Variants in PLEKHA1 observed in about 807,000 individuals in gnomAD.
The protein encoded by PLEKHA1 is pleckstrin homology domain containing A1, also known as pleckstrin homology domain-containing family A member 1.
Under a neutral mutation model 52.0 loss-of-function variants are expected in PLEKHA1, and 34 were observed. That is an observed-to-expected ratio of 0.65 (90% CI 0.50 to 0.87). The LOEUF (loss-of-function observed/expected upper bound fraction) is 0.87. Among genes scored for constraint, PLEKHA1 ranks in the 40% least tolerant of loss-of-function variants. The probability of loss-of-function intolerance (pLI) is 0.00; values close to 1 mark genes in which losing one functional copy is unlikely to be tolerated. For missense variants in PLEKHA1, 497 were observed against 504.2 expected (o/e 0.99, Z 0.14); for synonymous variants, 163 against 170.7 (o/e 0.95, Z 0.35).
downstream of PLEKHA1, chr10:122,434,662 C>G (rs547262684): frequency 4.6e-5 from 7 of 150,668 alleles, no homozygotes; most frequent in East Asian, 1.4e-3. Flanking sequence ...TGGTGTGCTG[C>G]ACCCATTAAC....
chr10:122,374,803 C>T lies in PLEKHA1; in HGVS notation c.-24C>T, dbSNP rs933094163. On this transcript the variant is annotated 5_prime_UTR_variant, in exon 1 of 12. Coordinates refer to ENST00000368990, the MANE Select transcript of PLEKHA1 (RefSeq NM_001001974.4). The stretch of plus-strand genomic sequence containing the variant: ...CGGCGCGGGTGCTCCGGGCCGAGGC[C>T]GCGGTAAAGTTTAGCTTGAAGAACG... The T allele has an allele frequency of 2.6e-5, 4 of 151,914 alleles. No homozygotes were observed. The highest frequency in any genetic ancestry group is 3.9e-4 in the East Asian group (2 of 5,122). 9.4% of individuals were successfully genotyped at this position (151,914 alleles called of 1,614,324 possible).
intron 4 of PLEKHA1, among the ~76,000 whole-genome samples, chr10:122,403,967 C>T (rs557117598): frequency 6.6e-6 from 1 of 152,322 alleles, no homozygotes; most frequent in Admixed American, 6.5e-5. Context: ...GCTGGGATTA[C>T]AGGCGTGAGC....
intron 1 of PLEKHA1, among the ~76,000 whole-genome samples, chr10:122,382,154 A>G (rs1439907206): frequency 6.6e-6 from 1 of 152,244 alleles, no homozygotes; most frequent in African/African-American, 2.4e-5. Flanking sequence ...TTCACACTAT[A>G]TAAATCACTT....
chr10:122,407,715 G>A (rs1028745358), intron 5 of PLEKHA1, among the ~76,000 whole-genome samples: 4 of 152,194 alleles, frequency 2.6e-5, no homozygotes, highest in Non-Finnish European at 2.9e-5. Context: ...AAAATGTTGG[G>A]AAGGAGTTCT....
chr10:122,411,395 T>C (rs553205411), intron 5 of PLEKHA1, among the ~76,000 whole-genome samples: 2 of 152,346 alleles, frequency 1.3e-5, no homozygotes, highest in African/African-American at 4.8e-5. Flanking sequence ...TCCTTTCATA[T>C]ACACATGGAC....
chr10:122,380,071 T>G (rs1184675142), intron 1 of PLEKHA1, among the ~76,000 whole-genome samples: 2 of 152,200 alleles, frequency 1.3e-5, no homozygotes, highest in African/African-American at 4.8e-5. Flanking sequence ...AATATAAATT[T>G]AAGTGGAAAT....
Position 122,399,301 on chromosome 10 carries a change from A to G in PLEKHA1, c.199-1042A>G, listed in dbSNP as rs1186974366. Among the ~76,000 whole-genome samples, 3 of 152,266 alleles carry G rather than the reference A, an allele frequency of 2.0e-5. No individual in the cohort carries two copies. In the East Asian group the frequency reaches 5.8e-4, roughly 29 times the overall value. On this transcript the variant is annotated intron_variant, in intron 3 of 11. Transcript: ENST00000368990. ...GTGCAAAACGGATGCTACAATTATA[A>G]GTTCTATCACTGGACAACAGCATGG...
intron 1 of PLEKHA1, among the ~76,000 whole-genome samples, chr10:122,391,531 A>G (rs749407956): frequency 9.9e-5 from 15 of 152,150 alleles, no homozygotes; most frequent in Admixed American, 6.5e-5. Flanking sequence ...TTTCCCCCAC[A>G]TTGAATGGTA....
intron 4 of PLEKHA1, among the ~76,000 whole-genome samples, chr10:122,403,580 T>C (rs185764957): frequency 6.1e-4 from 92 of 149,786 alleles, no homozygotes; most frequent in African/African-American, 2.2e-3. Flanking sequence ...AGGGTTTTTA[T>C]GGCAACTTAG....
Position 122,430,653 on chromosome 10 carries a change from T to A in PLEKHA1, c.*715T>A, listed in dbSNP as rs547775683. On this transcript the variant is annotated 3_prime_UTR_variant, in exon 12 of 12. Coordinates refer to ENST00000368990, the MANE Select transcript of PLEKHA1 (RefSeq NM_001001974.4). ...CAGTCACTGCTTTATTCCGCAAAAA[T>A]TATTTGGTAGGAAATTTTTGGGAGA... 1 of 152,360 alleles carries A rather than the reference T, an allele frequency of 6.6e-6. No individual in the cohort carries two copies. The highest frequency in any genetic ancestry group is 2.4e-5 in the African/African-American group (1 of 41,580). 9.4% of individuals were successfully genotyped at this position (152,360 alleles called of 1,614,324 possible). A position where few individuals can be genotyped will look rare whatever the true frequency, so the allele number is the denominator to read the frequency against.
chr10:122,394,130 A>T (rs1017081688), intron 2 of PLEKHA1, among the ~76,000 whole-genome samples: 4 of 134,768 alleles, frequency 3.0e-5, no homozygotes, highest in African/African-American at 1.1e-4. Flanking sequence ...GCTGGAATGC[A>T]GCGGTATGAT....
chr10:122,376,988 A>T (rs1047894699), intron 1 of PLEKHA1, among the ~76,000 whole-genome samples: 8 of 152,356 alleles, frequency 5.3e-5, no homozygotes, highest in Admixed American at 5.2e-4. Flanking sequence ...AGATTTAAAC[A>T]AAGTGGCTTT....
At chr10:122,378,585 A>T (rs1335739689) in intron 1 of PLEKHA1, among the ~76,000 whole-genome samples, 1 of 151,828 alleles carries the variant, frequency 6.6e-6, no homozygotes, top group African/African-American at 2.4e-5. Flanking sequence ...AAAATAGAAA[A>T]ATCAGCCGGG....
intron 7 of PLEKHA1, 92 bp from the exon 8 acceptor site, chr10:122,417,808 T>A: frequency 1.1e-6 from 1 of 901,382 alleles, no homozygotes; most frequent in Non-Finnish European, 1.8e-6. Flanking sequence ...TTGGCATGTC[T>A]GATTGTGGGT....
chr10:122,442,347 GTTTT>G, the PLEKHA1 span: 8 of 149,304 alleles, frequency 5.4e-5, no homozygotes, highest in Non-Finnish European at 1.2e-4. Context: ...TAGCCTTAAT[GTTTT>G]TTTTTCTGAT....
At chr10:122,398,937 A>G (rs1397611692) in intron 3 of PLEKHA1, among the ~76,000 whole-genome samples, 2 of 152,212 alleles carry the variant, frequency 1.3e-5, no homozygotes, top group South Asian at 2.1e-4. Flanking sequence ...TTAAGATCAT[A>G]CTATGTAAAT....
intron 8 of PLEKHA1, chr10:122,420,396 A>G (rs2133352696): frequency 6.6e-6 from 1 of 152,304 alleles, no homozygotes; most frequent in Middle Eastern, 3.4e-3. Context: ...GAAATAATAC[A>G]TGGAACCTGC....
chr10:122,380,991 A>G (rs964047322), intron 1 of PLEKHA1, among the ~76,000 whole-genome samples: 14 of 152,196 alleles, frequency 9.2e-5, no homozygotes, highest in African/African-American at 3.4e-4. Flanking sequence ...ACCTTGAGCA[A>G]GTGCCTTATT....
intron 2 of PLEKHA1, among the ~76,000 whole-genome samples, chr10:122,396,984 C>T (rs982397356): frequency 3.0e-4 from 45 of 152,142 alleles, no homozygotes; most frequent in African/African-American, 9.9e-4. Flanking sequence ...AAATTCTCTA[C>T]GATATAAATT....
Sources: gnomAD v4.1 joint callset for allele counts (sites outside exome capture counted in the v4.1 genomes callset) on GRCh38, gnomAD v4.1.1 for gene constraint, MANE v1.5 for transcripts, NCBI Gene and HGNC (gene_info 2026-07-23, HGNC 2026-07-21) for gene names.